The following CDH10 variants were observed in gnomAD, a reference collection of about 807,000 sequenced individuals.
The protein encoded by CDH10 is cadherin-10.
Under a neutral mutation model 73.1 loss-of-function variants are expected in CDH10, and 30 were observed. The ratio of observed to expected loss-of-function variants is 0.41; its 90% CI spans 0.31 to 0.56. The LOEUF (loss-of-function observed/expected upper bound fraction) is 0.56, where lower values mean the gene tolerates loss of function less well. Ranked by LOEUF, CDH10 falls within the 20% of genes least tolerant of loss-of-function variation. CDH10 has a pLI of 0.27. For missense variants in CDH10, 815 were observed against 973.7 expected (o/e 0.84, Z 2.17); for synonymous variants, 345 against 348.2 (o/e 0.99, Z 0.10).
At position 24,591,407 on chromosome 5, in the gene CDH10, G is replaced by A. The variant is rs73743649; in HGVS notation, c.231+1853C>T. ...CATTTCTGTTAACTCTAGTAGTTCA[G>A]CACAGTCTACATGGAAAAGAACTGA... On this transcript the variant is annotated intron_variant, in intron 2 of 11. Transcript: ENST00000264463. Among the ~76,000 whole-genome samples, 572 of 152,032 alleles carry A rather than the reference G, an allele frequency of 3.8e-3. 2 individuals are homozygous for A. The highest frequency in any genetic ancestry group is 0.013 in the African/African-American group (541 of 41,534).
At chr5:24,573,299 A>G (rs2112029642) in intron 2 of CDH10, among the ~76,000 whole-genome samples, 1 of 152,256 alleles carries the variant, frequency 6.6e-6, no homozygotes, top group African/African-American at 2.4e-5. Context: ...AGACGAAGAA[A>G]TCAAGCAAAG....
At chr5:24,578,389 G>T in intron 2 of CDH10, 1 of 252,594 alleles carries the variant, frequency 4.0e-6, no homozygotes, top group South Asian at 5.3e-5. Context: ...AGCTGTAGAT[G>T]ACCAGAAGAC....
At position 24,491,539 on chromosome 5, in the gene CDH10, C is replaced by G. The variant is rs563077405; in HGVS notation, c.1876+37G>C. 67 of 1,568,620 alleles carry G rather than the reference C, an allele frequency of 4.3e-5. 1 individual carries two copies. The South Asian group carries it at 7.3e-4, about 17-fold the overall frequency. On this transcript the variant is annotated intron_variant, in intron 11 of 11. Coordinates refer to ENST00000264463, the MANE Select transcript of CDH10 (RefSeq NM_006727.5). ...AATTCTTCAAAATCATACTAAAGAG[C>G]CTAGAAAATGCTCCCATTGTTTTTA...
At chr5:24,516,853 A>G (rs938526730) in intron 5 of CDH10, among the ~76,000 whole-genome samples, 1 of 151,710 alleles carries the variant, frequency 6.6e-6, no homozygotes, top group Admixed American at 6.6e-5. Flanking sequence ...CTTCTGCTTG[A>G]GAAAGAACCA....
intron 5 of CDH10, among the ~76,000 whole-genome samples, chr5:24,525,800 C>G (rs1367848249): frequency 6.6e-6 from 1 of 152,062 alleles, no homozygotes; most frequent in Non-Finnish European, 1.5e-5. Context: ...TGTACCATGT[C>G]TTAGTTTCCT....
chr5:24,579,662 T>C (rs930319664), intron 2 of CDH10, among the ~76,000 whole-genome samples: 2 of 152,250 alleles, frequency 1.3e-5, no homozygotes, highest in African/African-American at 4.8e-5. Context: ...TTTGACAAGG[T>C]TGACACATTC....
intron 2 of CDH10, among the ~76,000 whole-genome samples, chr5:24,539,237 T>A (rs115386223): frequency 0.023 from 3,433 of 152,048 alleles, 109 homozygotes; most frequent in African/African-American, 0.072. Context: ...TCATTTTTGC[T>A]CTTTACTTAC....
Position 24,644,594 on chromosome 5 carries a change from C to CT in CDH10, c.-125dup, listed in dbSNP as rs1748155985. 1 of 151,782 alleles carries CT rather than the reference C, an allele frequency of 6.6e-6. No homozygotes were observed. The highest frequency in any genetic ancestry group is 2.1e-4 in the South Asian group (1 of 4,806). The allele number at this position is 151,782 out of a possible 1,614,324, so 9.4% of individuals were successfully genotyped here. A position where few individuals can be genotyped will look rare whatever the true frequency, so the allele number is the denominator to read the frequency against. On this transcript the variant is annotated splice_region_variant and 5_prime_UTR_variant, in exon 1 of 12. Transcript: ENST00000264463. The stretch of plus-strand genomic sequence containing the variant: ...AAAGAAAGAGGTGAAGTCTTCCTAC[C>CT]TTTTTTATCAGCTTCTGGATAATGG...
chr5:24,608,160 T>C (rs1368353426), intron 1 of CDH10, among the ~76,000 whole-genome samples: 1 of 152,238 alleles, frequency 6.6e-6, no homozygotes, highest in African/African-American at 2.4e-5. Flanking sequence ...TTTAAACCAC[T>C]GGTAATGAGA....
In CDH10 at chr5:24,547,855, G is replaced by T. The variant is rs190104754; in HGVS notation, c.232-10181C>A. On this transcript the variant is annotated intron_variant, in intron 2 of 11. Transcript: ENST00000264463. The stretch of plus-strand genomic sequence containing the variant: ...TCCCTTGACAAATGGCCATCGCTCA[G>T]GAGAAGAGAAAGTAGAAGATACACT... Among the ~76,000 whole-genome samples, 15 of 152,268 alleles carry T rather than the reference G, an allele frequency of 9.9e-5. No homozygotes were observed. The East Asian group carries it at 2.9e-3, about 29-fold the overall frequency.
At chr5:24,630,973 T>C (rs1206112349) in intron 1 of CDH10, among the ~76,000 whole-genome samples, 2 of 152,166 alleles carry the variant, frequency 1.3e-5, no homozygotes, top group Non-Finnish European at 2.9e-5. Flanking sequence ...ACAAGGGAAC[T>C]GAGGTGTAGC....
chr5:24,634,551 T>C (rs1010658820), intron 1 of CDH10, among the ~76,000 whole-genome samples: 1 of 151,932 alleles, frequency 6.6e-6, no homozygotes, highest in South Asian at 2.1e-4. Flanking sequence ...GGCCACAGCA[T>C]TTAATCAAGA....
intron 2 of CDH10, among the ~76,000 whole-genome samples, chr5:24,582,067 T>C (rs552511375): frequency 2.0e-5 from 3 of 152,288 alleles, no homozygotes; most frequent in African/African-American, 7.2e-5. Flanking sequence ...AGATTAAAGC[T>C]AGGTTCATAC....
intron 8 of CDH10, among the ~76,000 whole-genome samples, chr5:24,501,365 G>C (rs1052481463): frequency 1.3e-5 from 2 of 151,960 alleles, no homozygotes; most frequent in Non-Finnish European, 2.9e-5. Flanking sequence ...AAAGCATCGA[G>C]CCTGGAGCTA....
At chr5:24,509,367 G>A (rs1387996745) in intron 7 of CDH10, among the ~76,000 whole-genome samples, 199 bp downstream of exon 7, 1 of 150,226 alleles carries the variant, frequency 6.7e-6, no homozygotes, top group Non-Finnish European at 1.5e-5. Flanking sequence ...AGCCTCCTGA[G>A]TAGCTGGGAT....
At chr5:24,523,551 T>C (rs1382835750) in intron 5 of CDH10, among the ~76,000 whole-genome samples, 1 of 152,160 alleles carries the variant, frequency 6.6e-6, no homozygotes, top group Non-Finnish European at 1.5e-5. Context: ...ATGGAATTCA[T>C]TGTGAATATT....
intron 1 of CDH10, among the ~76,000 whole-genome samples, chr5:24,639,897 G>A (rs1747988968): frequency 6.6e-6 from 1 of 151,688 alleles, no homozygotes; most frequent in Non-Finnish European, 1.5e-5. Flanking sequence ...CTGATAATTT[G>A]GAGGAGTCAT....
intron 2 of CDH10, among the ~76,000 whole-genome samples, chr5:24,579,187 A>G (rs1745703677): frequency 6.6e-6 from 1 of 151,956 alleles, no homozygotes; most frequent in South Asian, 2.1e-4. Flanking sequence ...TGCTAAAGAT[A>G]TCTTTAAAAA....
At chr5:24,522,480 C>T (rs1390671522) in intron 5 of CDH10, among the ~76,000 whole-genome samples, 1 of 141,880 alleles carries the variant, frequency 7.0e-6, no homozygotes, top group Admixed American at 7.2e-5. Context: ...AAATCCAAAG[C>T]AAGAAAGTAA....
Sources: gnomAD v4.1 joint callset for allele counts (sites outside exome capture counted in the v4.1 genomes callset) on GRCh38, gnomAD v4.1.1 for gene constraint, MANE v1.5 for transcripts, NCBI Gene and HGNC (gene_info 2026-07-23, HGNC 2026-07-21) for gene names.